The following HTRA3 variants were observed in gnomAD, a reference collection of about 807,000 sequenced individuals.
HTRA3 encodes HtrA serine peptidase 3.
A neutral mutation model predicts 43.2 loss-of-function variants in HTRA3; 41 were observed. That is an observed-to-expected ratio of 0.95 (90% CI 0.74 to 1.23). The LOEUF is 1.23. Ranked by LOEUF, HTRA3 falls within the 50% of genes most tolerant of loss-of-function variation. The probability of loss-of-function intolerance (pLI) is 0.00; values close to 1 mark genes in which losing one functional copy is unlikely to be tolerated. For synonymous variants in HTRA3, 295 were observed against 287.9 expected, an observed-to-expected ratio of 1.02 and a Z score of -0.25; for missense variants, 628 against 647.1, an observed-to-expected ratio of 0.97 and a Z score of 0.32.
At chr4:8,280,602 A>G (rs1245794336) in intron 1 of HTRA3, among the ~76,000 whole-genome samples, 2 of 152,166 alleles carry the variant, frequency 1.3e-5, no homozygotes, top group Non-Finnish European at 2.9e-5. Flanking sequence ...CGCATCCCTC[A>G]TGGAAGCAAA....
In HTRA3 at chr4:8,286,784, G is replaced by C. The variant is rs1377672562; in HGVS notation, c.708+1G>C. The C allele has an allele frequency of 6.2e-7, 1 of 1,605,638 alleles. No individual in the cohort carries two copies. The highest frequency in any genetic ancestry group is 1.7e-5 in the Admixed American group (1 of 59,878). On this transcript the variant is annotated splice_donor_variant, in intron 3 of 8. Coordinates refer to ENST00000307358, the MANE Select transcript of HTRA3 (RefSeq NM_053044.5). LOFTEE classifies it high-confidence loss of function. This position sits in a 1 kb window ranked among gnomAD's most constrained non-coding sequence, Gnocchi z 4.9. ...TGCCACCATCAAGATCCATCCCAAG[G>C]TGGGTGGGCGTGGGTGGAGGGGCGG...
chr4:8,301,449 G>C (rs112430510), intron 6 of HTRA3, among the ~76,000 whole-genome samples: 2 of 148,384 alleles, frequency 1.3e-5, no homozygotes, highest in African/African-American at 5.0e-5. Context: ...GCTTTATTGA[G>C]TCACACTCTC....
At chr4:8,288,918 C>CTTCCTTCCTTCA (rs1713109927) in intron 3 of HTRA3, among the ~76,000 whole-genome samples, 1 of 147,624 alleles carries the variant, frequency 6.8e-6, no homozygotes. Flanking sequence ...TCCTTCCTTC[C>CTTCCTTCCTTCA]TTCCTTCCTT....
chr4:8,302,565 C>T (rs1713694061), intron 7 of HTRA3, 54 bp downstream of exon 7: 5 of 1,556,794 alleles, frequency 3.2e-6, no homozygotes, highest in Non-Finnish European at 3.5e-6. Context: ...ATCCCTCACC[C>T]TGACCCTCCC....
At chr4:8,302,047 A>G (rs1035115256) in intron 6 of HTRA3, among the ~76,000 whole-genome samples, 15 of 152,098 alleles carry the variant, frequency 9.9e-5, no homozygotes, top group African/African-American at 3.6e-4. Flanking sequence ...ATTAGCAGCG[A>G]GTATCGTTTT....
Position 8,295,714 on chromosome 4 carries a change from T to C in HTRA3, c.1051+1513T>C. 7.1e-7 allele frequency: 1 copy of C among 1,415,706 alleles called. No homozygotes were observed. Among genetic ancestry groups the C allele is most frequent in the Non-Finnish European group, 9.2e-7 (1 of 1,082,748 alleles). 87.7% of individuals were successfully genotyped at this position (1,415,706 alleles called of 1,614,324 possible). On this transcript the variant is annotated intron_variant, in intron 6 of 8. Transcript: ENST00000307358. The surrounding 1 kb of genome is among the most constrained non-coding windows in gnomAD (Gnocchi z 6.9). ...TCCCAGCCCCCTCACTGGCAGTTCATTGAGAGCAGGGGGCTTCCTCACGTT... is the reference window on the plus strand; with the variant it reads ...TCCCAGCCCCCTCACTGGCAGTTCACTGAGAGCAGGGGGCTTCCTCACGTT...
At chr4:8,304,320 G>A (rs1375353167) in intron 8 of HTRA3, 41 bp downstream of exon 8, 1 of 1,542,624 alleles carries the variant, frequency 6.5e-7, no homozygotes, top group Non-Finnish European at 8.9e-7. Flanking sequence ...CATGGGGCAG[G>A]CGTGAGGTCT....
intron 8 of HTRA3, among the ~76,000 whole-genome samples, chr4:8,305,459 G>A (rs1364661181): frequency 6.6e-6 from 1 of 152,266 alleles, no homozygotes; most frequent in Non-Finnish European, 1.5e-5. Context: ...CAGCTGGCAT[G>A]TGAGGGTCCT....
chr4:8,286,725 C>T lies in HTRA3; in HGVS notation c.650C>T (p.Ala217Val). 6.2e-7 allele frequency: 1 copy of T among 1,614,138 alleles called. No homozygotes were observed. Reference sequence around the variant, plus strand: ...CTACAGAATGGGGACTCCTATGAGGCCACCATCAAAGACATCGACAAGAAG... The same window carrying T: ...CTACAGAATGGGGACTCCTATGAGGTCACCATCAAAGACATCGACAAGAAG... The part of the protein sequence containing the change: ...VQLQNGDSYE[A>V]TIKDIDKKSD... Residue 217 changes from alanine to valine, a missense_variant, in exon 3 of 9, where the codon GCC becomes GTC. Physicochemically the swap from Ala to Val is moderately conservative, Grantham distance 64. Transcript: ENST00000307358. The surrounding 1 kb of genome is among the most constrained non-coding windows in gnomAD (Gnocchi z 4.9).
At chr4:8,274,803 C>T (rs185342341) in intron 1 of HTRA3, among the ~76,000 whole-genome samples, 2 of 152,348 alleles carry the variant, frequency 1.3e-5, no homozygotes, top group East Asian at 1.9e-4. Context: ...GCCTTGGAGC[C>T]TGCCATGCGC....
chr4:8,291,730 T>C (rs973870236), intron 4 of HTRA3, among the ~76,000 whole-genome samples, 166 bp downstream of exon 4: 1 of 152,204 alleles, frequency 6.6e-6, no homozygotes, highest in Non-Finnish European at 1.5e-5. Flanking sequence ...GCTCTAACCC[T>C]GTGACTTCCA....
chr4:8,303,002 G>A (rs1410715964), intron 7 of HTRA3, among the ~76,000 whole-genome samples: 2 of 152,030 alleles, frequency 1.3e-5, no homozygotes, highest in Non-Finnish European at 2.9e-5. Flanking sequence ...TCTCTCTCTC[G>A]TTTCTCTTAT....
At chr4:8,304,082 GCTC>G in intron 7 of HTRA3, 99 bp from the exon 8 acceptor site, 1 of 832,726 alleles carries the variant, frequency 1.2e-6, no homozygotes, top group South Asian at 1.6e-5. Flanking sequence ...CCCAGAGGTG[GCTC>G]CTCTTCTGGT....
intron 1 of HTRA3, among the ~76,000 whole-genome samples, chr4:8,277,572 G>A (rs1712578821): frequency 6.6e-6 from 1 of 152,222 alleles, no homozygotes; most frequent in Non-Finnish European, 1.5e-5. Context: ...TGGGCCCTGA[G>A]GAATGACAGG....
At position 8,288,958 on chromosome 4, in the gene HTRA3, C is replaced by CT. The variant is rs1307693515; in HGVS notation, c.708+2188dup. On this transcript the variant is annotated intron_variant, in intron 3 of 8. Coordinates refer to ENST00000307358, the MANE Select transcript of HTRA3 (RefSeq NM_053044.5). ...CCTCCCTTCCTCCCCCTCTCTCTCTCTTTTTTTTTTTTTCAGGGTCTCGCT... is the reference window on the plus strand; with the variant it reads ...CCTCCCTTCCTCCCCCTCTCTCTCTCTTTTTTTTTTTTTTCAGGGTCTCGCT... 3.2e-3 allele frequency among the ~76,000 whole-genome samples: 415 copies of CT among 130,434 alleles called. 3 individuals carry two copies. Among genetic ancestry groups the CT allele is most frequent in the African/African-American group, 9.5e-3 (331 of 34,736 alleles). The allele number at this position is 130,434 out of a possible 152,430, so 85.6% of individuals were successfully genotyped here.
At chr4:8,287,468 C>T (rs1713036421) in intron 3 of HTRA3, among the ~76,000 whole-genome samples, 1 of 152,176 alleles carries the variant, frequency 6.6e-6, no homozygotes, top group African/African-American at 2.4e-5. Context: ...GTACAGGAAG[C>T]ATGACCAGGA....
rs1337831474 is a variant in HTRA3 at position 8,269,959 on chromosome 4, C to G, written c.-10C>G. 10 of 1,134,588 alleles carry G rather than the reference C, an allele frequency of 8.8e-6. No individual in the cohort carries two copies. In the East Asian group the frequency reaches 4.6e-4, roughly 52 times the overall value. 70.3% of individuals were successfully genotyped at this position (1,134,588 alleles called of 1,614,324 possible). A position where few individuals can be genotyped will look rare whatever the true frequency, so the allele number is the denominator to read the frequency against. On this transcript the variant is annotated 5_prime_UTR_variant, in exon 1 of 9. Transcript: ENST00000307358. ...CTCCCGCGCTGCCACCCGCCGCCGG[C>G]CCTGCCGCCATGCAGGCGCGAGCGC...
Position 8,294,107 on chromosome 4 carries a change from C to T in HTRA3, c.957C>T (p.Ile319=). 6.2e-7 allele frequency: 1 copy of T among 1,611,330 alleles called. No individual in the cohort carries two copies. The highest frequency in any genetic ancestry group is 8.5e-7 in the Non-Finnish European group (1 of 1,178,678). ...LVNLDGEVIG[I]NTLKVTAGIS... is the part of the protein sequence containing the mutation. ...CCCAGGATGGCGAGGTCATTGGCATCAACACGCTCAAGGTCACGGCTGGCA... is the reference window on the plus strand; with the variant it reads ...CCCAGGATGGCGAGGTCATTGGCATTAACACGCTCAAGGTCACGGCTGGCA... The change falls in exon 6 of 9, where the codon ATC becomes ATT. Residue 319 remains isoleucine, a synonymous_variant. Coordinates refer to ENST00000307358, the MANE Select transcript of HTRA3 (RefSeq NM_053044.5).
intron 6 of HTRA3, among the ~76,000 whole-genome samples, chr4:8,301,667 T>G (rs1472570704): frequency 1.3e-5 from 2 of 152,220 alleles, no homozygotes; most frequent in Non-Finnish European, 2.9e-5. Flanking sequence ...ATATAGACAC[T>G]TTAGTACTAT....
Sources: gnomAD v4.1 joint callset for allele counts (sites outside exome capture counted in the v4.1 genomes callset) on GRCh38, gnomAD v4.1.1 for gene constraint, Gnocchi (gnomAD v3.1) non-coding constraint, MANE v1.5 for transcripts, NCBI Gene and HGNC (gene_info 2026-07-23, HGNC 2026-07-21) for gene names.